Variants in ZNF540 observed in about 807,000 individuals in gnomAD.
ZNF540 encodes the protein CTD-3064H18.6.
In ZNF540, 3 loss-of-function variants were observed where a neutral mutation model predicts 11.8. The observed-to-expected ratio is 0.25, with a 90% CI of 0.12 to 0.65. ZNF540 has a LOEUF of 0.65. Ranked by LOEUF, ZNF540 falls within the 30% of genes least tolerant of loss-of-function variation. The pLI, the probability that ZNF540 is intolerant of heterozygous loss-of-function variation, is 0.83. For synonymous variants in ZNF540, 247 were observed against 259.0 expected (o/e 0.95, Z 0.45); for missense variants, 709 against 793.1 (o/e 0.89, Z 1.27).
At position 37,612,239 on chromosome 19, in the gene ZNF540, T is replaced by C. The variant is rs866092720; in HGVS notation, c.959T>C (p.Ile320Thr). 6.2e-7 allele frequency: 1 copy of C among 1,613,774 alleles called. No homozygotes were observed. The highest frequency in any genetic ancestry group is 8.5e-7 in the Non-Finnish European group (1 of 1,179,976). ...LIFYFKEHERIHTGKKPYECK... is the reference protein window; with the variant it reads ...LIFYFKEHERTHTGKKPYECK... ...TTCTACTTTAAAGAACATGAGAGAATTCATACAGGTAAGAAACCCTATGAA... is the reference window on the plus strand; with the variant it reads ...TTCTACTTTAAAGAACATGAGAGAACTCATACAGGTAAGAAACCCTATGAA... The change falls in exon 5 of 5, where the codon ATT becomes ACT. Residue 320 changes from isoleucine to threonine, a missense_variant. Coordinates refer to ENST00000316433, the MANE Select transcript of ZNF540 (RefSeq NM_001172225.3).
Position 37,611,871 on chromosome 19 carries a change from T to C in ZNF540, c.591T>C (p.Asn197=). ...GTAAAGAATGTGGGAGTACTTTTAA[T>C]AATGTCTATCAGCTTACTCTCCATC... ...HDCKECGSTF[N]NVYQLTLHQK... is the part of the protein sequence containing the mutation. The change falls in exon 5 of 5, where the codon AAT becomes AAC. Residue 197 remains asparagine (N), a synonymous_variant. Coordinates refer to ENST00000316433, the MANE Select transcript of ZNF540 (RefSeq NM_001172225.3). 6.2e-7 allele frequency: 1 copy of C among 1,613,914 alleles called. No individual in the cohort carries two copies. Among genetic ancestry groups the C allele is most frequent in the Non-Finnish European group, 8.5e-7 (1 of 1,179,950 alleles).
intron 1 of ZNF540, among the ~76,000 whole-genome samples, chr19:37,554,200 G>A (rs924406160): frequency 6.8e-6 from 1 of 146,820 alleles, no homozygotes. Context: ...TTGTGTCCAT[G>A]TGTACTCAAT....
At chr19:37,592,868 ACAAAT>A (rs2043907317), upstream of ZNF540, among the ~76,000 whole-genome samples, 1 of 152,236 alleles carries the variant, frequency 6.6e-6, no homozygotes, top group Non-Finnish European at 1.5e-5. Flanking sequence ...TAGTTTTTCT[ACAAAT>A]CAACAGCACC....
rs374423136 is a variant in ZNF540 at position 37,565,086 on chromosome 19, C to A, written c.-73+13421C>A. On this transcript the variant is annotated intron_variant, in intron 1 of 4. Transcript: ENST00000592533. ...AAGGCCTTTCCACATTCCTTACATT[C>A]AAAGGGTTTCTCACCTGTATGAATT... 5.0e-6 allele frequency: 8 copies of A among 1,612,996 alleles called. No homozygotes were observed. The African/African-American group carries it at 1.1e-4, about 22-fold the overall frequency.
chr19:37,572,281 G>C (rs2043088473), intron 1 of ZNF540, among the ~76,000 whole-genome samples: 1 of 152,180 alleles, frequency 6.6e-6, no homozygotes, highest in South Asian at 2.1e-4. Context: ...TTTACTTTGT[G>C]TGGTTTCAGT....
rs755963665 is a variant in ZNF540, at chr19:37,612,429, T to C, written c.1149T>C (p.Tyr383=). ...HRRTHAGKKP[Y]ECKECGKSFN... is the part of the protein sequence containing the mutation. ...GAACTCATGCAGGTAAGAAACCTTA[T>C]GAATGTAAGGAGTGTGGGAAATCAT... Residue 383 remains tyrosine (Y), a synonymous_variant, in exon 5 of 5, where the codon TAT becomes TAC. Coordinates refer to ENST00000316433, the MANE Select transcript of ZNF540 (RefSeq NM_001172225.3). 13 of 1,613,866 alleles carry C rather than the reference T, an allele frequency of 8.1e-6. No homozygotes were observed. The Admixed American group carries it at 2.2e-4, about 27-fold the overall frequency.
chr19:37,601,510 G>C (rs1275690093), intron 4 of ZNF540, among the ~76,000 whole-genome samples: 1 of 151,402 alleles, frequency 6.6e-6, no homozygotes, highest in Non-Finnish European at 1.5e-5. Flanking sequence ...CAGTGCCTTG[G>C]TGAATAAGGC....
At chr19:37,610,512 C>A (rs1182463299) in intron 4 of ZNF540, among the ~76,000 whole-genome samples, 3 of 152,116 alleles carry the variant, frequency 2.0e-5, no homozygotes, top group Admixed American at 1.3e-4. Flanking sequence ...GTAGGGCAAG[C>A]CTTTCTGTGT....
Position 37,565,091 on chromosome 19 carries a change from G to C in ZNF540, c.-73+13426G>C, listed in dbSNP as rs564068756. 8.7e-6 allele frequency: 14 copies of C among 1,613,092 alleles called. No homozygotes were observed. In the East Asian group the frequency reaches 2.9e-4, roughly 33 times the overall value. On this transcript the variant is annotated intron_variant, in intron 1 of 4. Transcript: ENST00000592533. ...CTTTCCACATTCCTTACATTCAAAG[G>C]GTTTCTCACCTGTATGAATTCTCTG...
chr19:37,605,190 G>A (rs747770773), intron 4 of ZNF540, among the ~76,000 whole-genome samples: 4 of 152,220 alleles, frequency 2.6e-5, no homozygotes, highest in Non-Finnish European at 4.4e-5. Context: ...GCTGGGCGCA[G>A]TAGTTCATGC....
At position 37,565,329 on chromosome 19, in the gene ZNF540, C is replaced by T. The variant is rs777982924; in HGVS notation, c.-73+13664C>T. On this transcript the variant is annotated intron_variant, in intron 1 of 4. Coordinates refer to the ZNF540 transcript ENST00000592533. The stretch of plus-strand genomic sequence containing the variant: ...CCACGAAAAAAGGTCTTCCCGCATT[C>T]TTTACATTCATAGGGTTTCTCTCCT... 5.3e-5 allele frequency: 86 copies of T among 1,612,736 alleles called. No homozygotes were observed. The Middle Eastern group carries it at 6.6e-4, about 12-fold the overall frequency.
intron 1 of ZNF540, chr19:37,564,710 A>T (rs4802029): frequency 0.21 from 340,800 of 1,613,464 alleles, 43,199 homozygotes; most frequent in East Asian, 0.66. Flanking sequence ...ATGCAGAGTA[A>T]GTTCTGAGCC....
At chr19:37,594,727 G>A (rs2043968320), upstream of ZNF540, 2 of 152,240 alleles carry the variant, frequency 1.3e-5, no homozygotes, top group Admixed American at 1.3e-4. Flanking sequence ...TTCCCGGTGA[G>A]GCCGCCCACT....
At chr19:37,586,833 T>C (rs1263867841) in intron 1 of ZNF540, 67 of 765,782 alleles carry the variant, frequency 8.7e-5, no homozygotes, top group Non-Finnish European at 5.1e-5. Context: ...TCTCCTCTTT[T>C]GGGAATTTGG....
Position 37,600,997 on chromosome 19 carries a change from T to A in ZNF540, c.137-13T>A. ...TATTTCTATATATTCTTTTATTTCT[T>A]TCTTGTAAGCAGGATATTCTGGCTC... is the stretch of plus-strand genomic sequence containing the variant. On this transcript the variant is annotated splice_polypyrimidine_tract_variant and intron_variant, in intron 3 of 4. Transcript: ENST00000316433. 6.4e-7 allele frequency: 1 copy of A among 1,555,674 alleles called. No individual in the cohort carries two copies. The highest frequency in any genetic ancestry group is 8.7e-7 in the Non-Finnish European group (1 of 1,148,714).
At chr19:37,567,082 G>T (rs2042887442) in intron 1 of ZNF540, among the ~76,000 whole-genome samples, 1 of 152,122 alleles carries the variant, frequency 6.6e-6, no homozygotes, top group Non-Finnish European at 1.5e-5. Context: ...CTAGATACCT[G>T]CATGGCTTGT....
chr19:37,599,873 T>G (rs2044025685), intron 3 of ZNF540, 121 bp downstream of exon 3: 1 of 1,126,516 alleles, frequency 8.9e-7, no homozygotes, highest in Non-Finnish European at 1.2e-6. Flanking sequence ...CCTCAAGGAA[T>G]GGACTGAACT....
chr19:37,557,459 T>C (rs1273228912), intron 1 of ZNF540, among the ~76,000 whole-genome samples: 1 of 152,156 alleles, frequency 6.6e-6, no homozygotes, highest in Non-Finnish European at 1.5e-5. Context: ...AGAGCCTGAG[T>C]GAGGGCGATC....
intron 4 of ZNF540, among the ~76,000 whole-genome samples, chr19:37,601,825 G>A (rs1014484811): frequency 1.1e-4 from 16 of 152,232 alleles, no homozygotes; most frequent in African/African-American, 3.9e-4. Flanking sequence ...AAAGCTCAGA[G>A]CAGATTCAGA....
Sources: gnomAD v4.1 joint callset for allele counts (sites outside exome capture counted in the v4.1 genomes callset) on GRCh38, gnomAD v4.1.1 for gene constraint, MANE v1.5 for transcripts, NCBI Gene and HGNC (gene_info 2026-07-23, HGNC 2026-07-21) for gene names.